The following APBA1 variants were observed in gnomAD, a reference collection of about 807,000 sequenced individuals.
The protein encoded by APBA1 is amyloid beta precursor protein binding family A member 1.
APBA1 carries 55 observed loss-of-function variants against 86.6 expected under a neutral mutation model. The observed-to-expected ratio is 0.64, with a 90% confidence interval of 0.51 to 0.80. The LOEUF is 0.80. Among genes scored for constraint, APBA1 ranks in the 30% least tolerant of loss-of-function variants. APBA1 has a pLI of 0.00. For missense variants in APBA1, 1,090 were observed against 1,183.0 expected (o/e 0.92, Z 1.15); for synonymous variants, 511 against 493.9 (o/e 1.03, Z -0.46).
chr9:69,483,026 G>A (rs1929894), intron 2 of APBA1, among the ~76,000 whole-genome samples: 98,018 of 139,900 alleles, frequency 0.7, 34,250 homozygotes, highest in East Asian at 0.78. Flanking sequence ...GCTAGATGCC[G>A]AGTTAGTGGG....
At chr9:69,491,704 G>A (rs1835713881) in intron 2 of APBA1, among the ~76,000 whole-genome samples, 1 of 151,160 alleles carries the variant, frequency 6.6e-6, no homozygotes, top group Non-Finnish European at 1.5e-5. Flanking sequence ...ATTTTGAAAA[G>A]TATAGTGCAA....
chr9:69,456,706 AG>A (rs1447501457), intron 7 of APBA1, among the ~76,000 whole-genome samples: 5 of 151,600 alleles, frequency 3.3e-5, no homozygotes, highest in African/African-American at 1.2e-4. Context: ...AAAAAAAAAA[AG>A]ACAAATCAAA....
intron 1 of APBA1, among the ~76,000 whole-genome samples, chr9:69,558,103 C>T (rs1361377026): frequency 1.3e-5 from 2 of 152,160 alleles, no homozygotes; most frequent in African/African-American, 4.8e-5. Context: ...ACTTTAATGG[C>T]TTTCTGATGA....
At position 69,534,076 on chromosome 9, in the gene APBA1, T is replaced by C. The variant is rs144024398; in HGVS notation, c.-69-16797A>G. 7.9e-5 allele frequency among the ~76,000 whole-genome samples: 12 copies of C among 152,308 alleles called. No homozygotes were observed. In the East Asian group the frequency reaches 2.1e-3, roughly 27 times the overall value. On this transcript the variant is annotated intron_variant, in intron 1 of 12. Coordinates refer to ENST00000265381, the MANE Select transcript of APBA1 (RefSeq NM_001163.4). ...AAAATAATGTCAAAGCAAGGGAAAG[T>C]AATTCAAAATATGCAAACAACACAA...
At chr9:69,475,940 G>A in intron 3 of APBA1, 108 bp downstream of exon 3, 1 of 848,508 alleles carries the variant, frequency 1.2e-6, no homozygotes, top group South Asian at 1.4e-5. Flanking sequence ...GTTCTCACCA[G>A]GGTAATGTGG....
chr9:69,580,584 T>A (rs1014147073), intron 1 of APBA1, among the ~76,000 whole-genome samples: 19 of 152,184 alleles, frequency 1.2e-4, no homozygotes, highest in African/African-American at 4.6e-4. Flanking sequence ...AAATATCTCC[T>A]CATGGTGGTA....
intron 1 of APBA1, among the ~76,000 whole-genome samples, chr9:69,534,785 A>G (rs1425601522): frequency 6.6e-6 from 1 of 152,150 alleles, no homozygotes; most frequent in African/African-American, 2.4e-5. Flanking sequence ...GGTTACTTCC[A>G]TAACTCTATA....
chr9:69,576,619 C>T (rs1588373642), intron 1 of APBA1, among the ~76,000 whole-genome samples: 1 of 152,090 alleles, frequency 6.6e-6, no homozygotes, highest in Admixed American at 6.6e-5. Context: ...AAAAACCAAA[C>T]ACCTCATGTT....
chr9:69,452,020 C>T, intron 9 of APBA1, 102 bp downstream of exon 9: 1 of 1,119,000 alleles, frequency 8.9e-7, no homozygotes, highest in South Asian at 1.4e-5. Flanking sequence ...ATACGGCACT[C>T]CTCACCATTG....
At chr9:69,619,212 T>TA in intron 1 of APBA1, among the ~76,000 whole-genome samples, 1 of 152,162 alleles carries the variant, frequency 6.6e-6, no homozygotes, top group South Asian at 2.1e-4. Context: ...ACAGATATCT[T>TA]AAAAAGCCAT....
intron 1 of APBA1, among the ~76,000 whole-genome samples, chr9:69,523,775 T>C (rs922525517): frequency 6.6e-6 from 1 of 151,768 alleles, no homozygotes; most frequent in Non-Finnish European, 1.5e-5. Context: ...GACTATACAT[T>C]CTTCTCAACT....
intron 1 of APBA1, among the ~76,000 whole-genome samples, chr9:69,639,190 T>C (rs936230504): frequency 6.6e-6 from 1 of 152,340 alleles, no homozygotes; most frequent in South Asian, 2.1e-4. Flanking sequence ...CTGAGTTCTG[T>C]GGCTCACTGA....
intron 1 of APBA1, among the ~76,000 whole-genome samples, chr9:69,610,163 T>C (rs968448098): frequency 5.3e-5 from 8 of 151,996 alleles, no homozygotes; most frequent in African/African-American, 1.9e-4. Flanking sequence ...ACAAAAAAAT[T>C]TTTTTAATTA....
chr9:69,641,551 A>G (rs1296043855), intron 1 of APBA1, among the ~76,000 whole-genome samples: 1 of 152,216 alleles, frequency 6.6e-6, no homozygotes, highest in Non-Finnish European at 1.5e-5. Context: ...ATAGACATAT[A>G]AATCAAAGAA....
chr9:69,541,251 A>ACC (rs71500368), intron 1 of APBA1, among the ~76,000 whole-genome samples: 6,395 of 122,208 alleles, frequency 0.052, 252 homozygotes, highest in Non-Finnish European at 0.077. Context: ...TGTTTTAGGG[A>ACC]CCCCCCCCCC....
intron 1 of APBA1, among the ~76,000 whole-genome samples, chr9:69,546,572 T>G (rs1004272408): frequency 6.6e-6 from 1 of 152,210 alleles, no homozygotes; most frequent in African/African-American, 2.4e-5. Context: ...CAATTCCTCC[T>G]TAACTAGAAC....
rs1188821784 is a variant in APBA1 at position 69,459,388 on chromosome 9, G to A, written c.1483-1200C>T. ...TCTTGTTCCATCATTTATTGAGTGT[G>A]TTAAAACCTCCAGCTGTTATGTGGA... is the stretch of plus-strand genomic sequence containing the variant. On this transcript the variant is annotated intron_variant, in intron 5 of 12. Coordinates refer to ENST00000265381, the MANE Select transcript of APBA1 (RefSeq NM_001163.4). 2.0e-5 allele frequency among the ~76,000 whole-genome samples: 3 copies of A among 152,170 alleles called. No homozygotes were observed. In the East Asian group the frequency reaches 5.8e-4, roughly 29 times the overall value.
At chr9:69,467,761 G>A (rs964256566) in intron 5 of APBA1, 62 bp downstream of exon 5, 14 of 1,598,750 alleles carry the variant, frequency 8.8e-6, no homozygotes, top group Non-Finnish European at 1.2e-5. Flanking sequence ...GGCCAGTGTT[G>A]TAGACTGCTC....
At chr9:69,603,994 A>C (rs1297912137) in intron 1 of APBA1, among the ~76,000 whole-genome samples, 1 of 152,266 alleles carries the variant, frequency 6.6e-6, no homozygotes, top group Non-Finnish European at 1.5e-5. Flanking sequence ...AGAATCACTT[A>C]TGATTGTTGT....
Sources: allele counts gnomAD v4.1 joint callset (sites outside exome capture counted in the v4.1 genomes callset), GRCh38; gene constraint gnomAD v4.1.1; transcripts MANE v1.5; gene names NCBI Gene and HGNC (gene_info 2026-07-23, HGNC 2026-07-21).